The following TAX1BP1 variants were observed in gnomAD, a reference collection of about 807,000 sequenced individuals.
TAX1BP1 encodes Tax1 binding protein 1.
A neutral mutation model predicts 97.7 loss-of-function variants in TAX1BP1; 62 were observed. The observed-to-expected ratio is 0.63, with a 90% CI of 0.52 to 0.78. The LOEUF is 0.78. TAX1BP1 is among the 30% of genes least tolerant of loss of function. The probability of loss-of-function intolerance (pLI) is 0.00; values close to 1 mark genes in which losing one functional copy is unlikely to be tolerated. For missense variants in TAX1BP1, 867 were observed against 916.1 expected (o/e 0.95, Z 0.69); for synonymous variants, 340 against 304.2 (o/e 1.12, Z -1.23).
At position 27,781,962 on chromosome 7, in the gene TAX1BP1, C is replaced by T. The variant is rs564701953; in HGVS notation, c.613-3201C>T. On this transcript the variant is annotated intron_variant, in intron 5 of 16. Coordinates refer to ENST00000396319, the MANE Select transcript of TAX1BP1 (RefSeq NM_006024.7). ...TACACCTGACCTCAGGTGATCTGCC[C>T]GCCTCGGCCTCCCAAAATGCTGTGA... is the stretch of plus-strand genomic sequence containing the variant. Among the ~76,000 whole-genome samples the T allele has an allele frequency of 7.2e-5, 11 of 151,964 alleles. 1 individual carries two copies. The highest frequency in any genetic ancestry group is 6.2e-4 in the South Asian group (3 of 4,802).
chr7:27,744,420 C>T (rs145219829), intron 1 of TAX1BP1, among the ~76,000 whole-genome samples: 5,636 of 152,274 alleles, frequency 0.037, 315 homozygotes, highest in African/African-American at 0.13. Flanking sequence ...CCACCGCACC[C>T]GGCCTAGTTT....
intron 3 of TAX1BP1, among the ~76,000 whole-genome samples, chr7:27,759,757 A>G (rs1285986423): frequency 6.6e-6 from 1 of 152,236 alleles, no homozygotes; most frequent in African/African-American, 2.4e-5. Flanking sequence ...ACTACTTTAA[A>G]AAAATGTGCT....
At chr7:27,803,009 A>G in intron 13 of TAX1BP1, 1 of 1,133,886 alleles carries the variant, frequency 8.8e-7, no homozygotes, top group Non-Finnish European at 1.2e-6. Context: ...GGATTTAGTA[A>G]TAGGAATTAT....
intron 3 of TAX1BP1, among the ~76,000 whole-genome samples, chr7:27,760,064 G>C (rs2128309888): frequency 6.6e-6 from 1 of 152,064 alleles, no homozygotes; most frequent in South Asian, 2.1e-4. Context: ...ATGTTGGCCA[G>C]GCTGGTCTCA....
At chr7:27,807,376 A>G (rs1260314315) in intron 13 of TAX1BP1, among the ~76,000 whole-genome samples, 1 of 152,168 alleles carries the variant, frequency 6.6e-6, no homozygotes, top group Non-Finnish European at 1.5e-5. Flanking sequence ...CTAGGATCCA[A>G]TCCATGATCA....
At chr7:27,743,651 C>A (rs151279702) in intron 1 of TAX1BP1, among the ~76,000 whole-genome samples, 1 of 152,128 alleles carries the variant, frequency 6.6e-6, no homozygotes, top group African/African-American at 2.4e-5. Context: ...TAAAATGAAC[C>A]GACACTTTAC....
At chr7:27,753,411 G>A (rs188302652) in intron 2 of TAX1BP1, among the ~76,000 whole-genome samples, 1 of 152,304 alleles carries the variant, frequency 6.6e-6, no homozygotes, top group Non-Finnish European at 1.5e-5. Context: ...GTTCCGTTTT[G>A]TGTTTATGAA....
rs2128328562 is a variant in TAX1BP1 at position 27,829,619 on chromosome 7, A to G, written c.*790A>G. Reference sequence around the variant, plus strand: ...GTATCTTTTTTACATTTTCCTGATGAGAATATAAATTTGAAATATTCTCAG... The same window carrying G: ...GTATCTTTTTTACATTTTCCTGATGGGAATATAAATTTGAAATATTCTCAG... On this transcript the variant is annotated 3_prime_UTR_variant, in exon 17 of 17. Coordinates refer to ENST00000396319, the MANE Select transcript of TAX1BP1 (RefSeq NM_006024.7). The G allele has an allele frequency of 6.6e-6, 1 of 152,308 alleles. No homozygotes were observed. The highest frequency in any genetic ancestry group is 2.1e-4 in the South Asian group (1 of 4,828). The allele number at this position is 152,308 out of a possible 1,614,324, so 9.4% of individuals were successfully genotyped here. A position where few individuals can be genotyped will look rare whatever the true frequency, so the allele number is the denominator to read the frequency against.
chr7:27,807,581 C>T (rs187843247), intron 13 of TAX1BP1, among the ~76,000 whole-genome samples: 3 of 152,200 alleles, frequency 2.0e-5, no homozygotes, highest in East Asian at 1.9e-4. Flanking sequence ...ATATCCTTCT[C>T]AATACTGGTG....
intron 8 of TAX1BP1, among the ~76,000 whole-genome samples, chr7:27,789,615 T>C (rs1789624390): frequency 6.6e-6 from 1 of 151,962 alleles, no homozygotes; most frequent in South Asian, 2.1e-4. Flanking sequence ...AGTTGCTAGT[T>C]ACTCCATATC....
chr7:27,801,018 C>T (rs1054735846), intron 13 of TAX1BP1, among the ~76,000 whole-genome samples: 2 of 150,810 alleles, frequency 1.3e-5, no homozygotes, highest in South Asian at 2.1e-4. Context: ...GCAGGAGAAT[C>T]GCTTGAACCC....
rs1790921726 is a variant in TAX1BP1 at position 27,820,203 on chromosome 7, T to A, written c.2085+3165T>A. On this transcript the variant is annotated intron_variant, in intron 15 of 16. Coordinates refer to ENST00000396319, the MANE Select transcript of TAX1BP1 (RefSeq NM_006024.7). ...GCATTCTTGCATTTCTTAGTGTTTC[T>A]CTTCTACCTTCATTCCTTTCTCCTC... Among the ~76,000 whole-genome samples the A allele has an allele frequency of 2.0e-5, 3 of 152,356 alleles. No homozygotes were observed. In the South Asian group the frequency reaches 6.2e-4, roughly 32 times the overall value.
At chr7:27,788,285 C>A (rs540201919) in intron 8 of TAX1BP1, among the ~76,000 whole-genome samples, 35 of 151,962 alleles carry the variant, frequency 2.3e-4, no homozygotes, top group African/African-American at 7.7e-4. Context: ...CAATTTGTTT[C>A]GTTCTTGATA....
intron 13 of TAX1BP1, among the ~76,000 whole-genome samples, chr7:27,808,205 C>T (rs1562736856): frequency 6.6e-6 from 1 of 152,082 alleles, no homozygotes; most frequent in African/African-American, 2.4e-5. Context: ...TGGTTCTCCC[C>T]CTCTCTTTCC....
At chr7:27,746,853 T>C (rs1787841009) in intron 1 of TAX1BP1, among the ~76,000 whole-genome samples, 1 of 152,184 alleles carries the variant, frequency 6.6e-6, no homozygotes, top group Non-Finnish European at 1.5e-5. Flanking sequence ...AGCAGGACTT[T>C]GGCCATAACA....
intron 4 of TAX1BP1, 114 bp from the exon 5 acceptor site, chr7:27,769,562 A>C: frequency 1.2e-6 from 1 of 812,302 alleles, no homozygotes. Flanking sequence ...AGAATGTAAG[A>C]GTTCTTTCTG....
intron 7 of TAX1BP1, 54 bp from the exon 8 acceptor site, chr7:27,787,364 C>G: frequency 1.4e-6 from 2 of 1,428,576 alleles, no homozygotes; most frequent in South Asian, 3.0e-5. Flanking sequence ...TAAACTTTGA[C>G]TAACTTAGGT....
At chr7:27,783,926 A>G (rs998618483) in intron 5 of TAX1BP1, among the ~76,000 whole-genome samples, 3 of 152,164 alleles carry the variant, frequency 2.0e-5, no homozygotes, top group Non-Finnish European at 2.9e-5. Flanking sequence ...CATTGGAACC[A>G]AAAAAGCATT....
chr7:27,746,409 A>G (rs1440296025), intron 1 of TAX1BP1, among the ~76,000 whole-genome samples: 6 of 142,654 alleles, frequency 4.2e-5, no homozygotes, highest in African/African-American at 1.6e-4. Flanking sequence ...AAGAACTGGA[A>G]TTGGTGTTTT....
Sources: allele counts gnomAD v4.1 joint callset (sites outside exome capture counted in the v4.1 genomes callset), GRCh38; gene constraint gnomAD v4.1.1; transcripts MANE v1.5; gene names NCBI Gene and HGNC (gene_info 2026-07-23, HGNC 2026-07-21).